REM1: variants seen among roughly 807,000 people sequenced by gnomAD.
REM1 encodes the protein GTP-binding protein REM 1.
In REM1, 20 loss-of-function variants were observed where a neutral mutation model predicts 27.0. That is an observed-to-expected ratio of 0.74 (90% CI 0.52 to 1.08). The LOEUF is 1.08. REM1 is among the 50% of genes least tolerant of loss of function. REM1 has a pLI of 0.00. For missense variants in REM1, 405 were observed against 407.0 expected (o/e 1.00, Z 0.04); for synonymous variants, 159 against 167.9 (o/e 0.95, Z 0.41).
rs1008392548 is a variant in REM1 at position 31,484,343 on chromosome 20, C to T, written c.810C>T (p.Arg270=). 1 of 1,563,594 alleles carries T rather than the reference C, an allele frequency of 6.4e-7. No homozygotes were observed. The highest frequency in any genetic ancestry group is 8.7e-7 in the Non-Finnish European group (1 of 1,154,990). The change falls in exon 5 of 5, where the codon CGC becomes CGT. Residue 270 remains arginine, a synonymous_variant. Transcript: ENST00000201979. ...CCAGCCTAGCCCAGCGCGCTCGTCGCTTCCTGGCACGCCTGACAGCCCGCA... is the reference window on the plus strand; with the variant it reads ...CCAGCCTAGCCCAGCGCGCTCGTCGTTTCCTGGCACGCCTGACAGCCCGCA... ...RPASLAQRAR[R]FLARLTARSA... is the part of the protein sequence containing the mutation.
rs191135106 is a variant in REM1 at position 31,484,370 on chromosome 20, C to A, written c.837C>A (p.Ser279Arg). The stretch of plus-strand genomic sequence containing the variant: ...TCCTGGCACGCCTGACAGCCCGCAG[C>A]GCACGCCGCCGGGCACTCAAGGCCC... ...RRFLARLTAR[S>R]ARRRALKARS... Residue 279 changes from serine to arginine, a missense_variant, in exon 5 of 5, where the codon AGC becomes AGA. Transcript: ENST00000201979. 20 of 1,555,126 alleles carry A rather than the reference C, an allele frequency of 1.3e-5. No homozygotes were observed. In the East Asian group the frequency reaches 4.6e-4, roughly 35 times the overall value.
At chr20:31,477,990 C>G in intron 3 of REM1, 80 bp downstream of exon 3, 6 of 877,226 alleles carry the variant, frequency 6.8e-6, no homozygotes, top group South Asian at 1.4e-5. Context: ...CCTGGGGACA[C>G]TACAGATCAG....
Position 31,476,589 on chromosome 20 carries a change from A to G in REM1, c.144A>G (p.Gln48=), listed in dbSNP as rs376216841. The G allele has an allele frequency of 1.2e-4, 191 of 1,613,902 alleles. No homozygotes were observed. The highest frequency in any genetic ancestry group is 1.5e-4 in the Non-Finnish European group (177 of 1,180,000). ...AATCCCAGCATCCCCGGCTGGGCCA[A>G]TCAGCCTCCCTCAACCCTCCCACCC... ...STQSQHPRLG[Q]SASLNPPTQK... Residue 48 remains glutamine (Q), a synonymous_variant, in exon 2 of 5, where the codon CAA becomes CAG. Transcript: ENST00000201979.
rs963727890 is a variant in REM1, at chr20:31,482,421, C to A, written c.558C>A (p.Asp186Glu). Residue 186 changes from aspartate to glutamate, a missense_variant, in exon 4 of 5, where the codon GAC (aspartate) becomes GAA (glutamate). Transcript: ENST00000201979. ...AGCTGCGGCGCACACATCAGGCAGA[C>A]CATGTGCCCATCATCCTCGTGGGCA... ...RIQLRRTHQADHVPIILVGNK... is the reference protein window; with the variant it reads ...RIQLRRTHQAEHVPIILVGNK... 1 of 1,614,082 alleles carries A rather than the reference C, an allele frequency of 6.2e-7. No individual in the cohort carries two copies. Among genetic ancestry groups the A allele is most frequent in the Non-Finnish European group, 8.5e-7 (1 of 1,180,038 alleles).
intron 1 of REM1, among the ~76,000 whole-genome samples, 172 bp from the exon 2 acceptor site, chr20:31,476,055 C>T (rs1053524249): frequency 1.3e-5 from 2 of 152,178 alleles, no homozygotes; most frequent in African/African-American, 2.4e-5. Context: ...AGGGCAGGTC[C>T]GTGTACACGG....
chr20:31,480,188 A>AAGATAGAT (rs11467647), intron 3 of REM1, among the ~76,000 whole-genome samples: 4,541 of 150,122 alleles, frequency 0.03, 109 homozygotes, highest in East Asian at 0.082. Context: ...CATCTCAATA[A>AAGATAGAT]AGATAGATAG....
intron 3 of REM1, among the ~76,000 whole-genome samples, chr20:31,479,196 C>A (rs1053633230): frequency 6.6e-6 from 1 of 152,208 alleles, no homozygotes; most frequent in African/African-American, 2.4e-5. Flanking sequence ...TGTCCTCCCC[C>A]TCAAGAGCAT....
chr20:31,478,767 T>C (rs1980613310), intron 3 of REM1, among the ~76,000 whole-genome samples: 1 of 151,778 alleles, frequency 6.6e-6, no homozygotes, highest in Non-Finnish European at 1.5e-5. Context: ...AATAATAATG[T>C]GTCCAAAGCT....
intron 2 of REM1, 73 bp from the exon 3 acceptor site, chr20:31,477,755 G>A (rs2233830): frequency 1.8e-6 from 2 of 1,115,086 alleles, no homozygotes; most frequent in Admixed American, 1.9e-5. Flanking sequence ...GACCAGAAAT[G>A]GGGGGCAGGG....
intron 3 of REM1, among the ~76,000 whole-genome samples, chr20:31,478,469 T>G (rs1980604086): frequency 6.6e-6 from 1 of 152,136 alleles, no homozygotes; most frequent in African/African-American, 2.4e-5. Flanking sequence ...CTCTTAGTAA[T>G]TATGACTTGG....
intron 4 of REM1, among the ~76,000 whole-genome samples, chr20:31,483,478 C>T (rs1156286009): frequency 6.6e-6 from 1 of 152,092 alleles, no homozygotes; most frequent in African/African-American, 2.4e-5. Context: ...TTTCTCAAAG[C>T]TTTAATTGTC....
chr20:31,475,948 A>C lies in REM1; in HGVS notation c.-219-279A>C, dbSNP rs1483366516. Among the ~76,000 whole-genome samples the C allele has an allele frequency of 1.3e-5, 2 of 152,042 alleles. No individual in the cohort carries two copies. The highest frequency in any genetic ancestry group is 3.9e-4 in the East Asian group (2 of 5,182). On this transcript the variant is annotated intron_variant, in intron 1 of 4. Transcript: ENST00000201979. The surrounding 1 kb of genome is among the most constrained non-coding windows in gnomAD (Gnocchi z 5.0). ...ACCCTTGGGGGAGACCTGAAACTGC[A>C]CTCCCAACCCAGAAGCTGTGAAAGA...
chr20:31,484,489 C>A lies in REM1; in HGVS notation c.*59C>A. 1 of 1,430,778 alleles carries A rather than the reference C, an allele frequency of 7.0e-7. No individual in the cohort carries two copies. The highest frequency in any genetic ancestry group is 1.5e-5 in the South Asian group (1 of 65,698). 88.6% of individuals were successfully genotyped at this position (1,430,778 alleles called of 1,614,324 possible). The stretch of plus-strand genomic sequence containing the variant: ...TGAGGTGCATTCTGGGCTCCAGGGA[C>A]GCCACTGCGGGGCAAAGGCGCCGTT... On this transcript the variant is annotated 3_prime_UTR_variant, in exon 5 of 5. Transcript: ENST00000201979.
intron 4 of REM1, among the ~76,000 whole-genome samples, chr20:31,483,005 A>T (rs1025240089): frequency 4.6e-5 from 7 of 151,736 alleles, no homozygotes; most frequent in South Asian, 2.1e-4. Context: ...CTCTTTTTTT[A>T]AAAAAAAATT....
intron 4 of REM1, 33 bp from the exon 5 acceptor site, chr20:31,484,126 T>G (rs748048610): frequency 3.2e-6 from 5 of 1,540,324 alleles, no homozygotes; most frequent in Non-Finnish European, 3.5e-6. Flanking sequence ...CCGTTATGGC[T>G]CCACCCCTCC....
chr20:31,484,620 G>A lies in REM1; in HGVS notation c.*190G>A, dbSNP rs1028733138. The A allele has an allele frequency of 1.4e-6, 1 of 708,840 alleles. No homozygotes were observed. The allele number at this position is 708,840 out of a possible 1,614,324, so 43.9% of individuals were successfully genotyped here. ...CCGGGAAAGCGATGGACAGACAGACGATGGGGCCGAAGCCCCAAGCTGGGC... is the reference window on the plus strand; with the variant it reads ...CCGGGAAAGCGATGGACAGACAGACAATGGGGCCGAAGCCCCAAGCTGGGC... On this transcript the variant is annotated 3_prime_UTR_variant, in exon 5 of 5. Transcript: ENST00000201979.
At chr20:31,480,031 G>A (rs1980661753) in intron 3 of REM1, among the ~76,000 whole-genome samples, 1 of 152,102 alleles carries the variant, frequency 6.6e-6, no homozygotes, top group African/African-American at 2.4e-5. Context: ...AGAGGTTGCG[G>A]TAAGCAGAGA....
At chr20:31,476,093 C>G (rs560085930) in intron 1 of REM1, 134 bp from the exon 2 acceptor site, 8 of 260,562 alleles carry the variant, frequency 3.1e-5, no homozygotes, top group African/African-American at 1.8e-4. Flanking sequence ...TGAGGACATC[C>G]CACCTTACTA....
chr20:31,480,578 C>T (rs1980697738), intron 3 of REM1, among the ~76,000 whole-genome samples: 1 of 152,132 alleles, frequency 6.6e-6, no homozygotes, highest in Non-Finnish European at 1.5e-5. Context: ...CCACCTCAGC[C>T]TCCCAAAGTG....
Sources: allele counts gnomAD v4.1 joint callset (sites outside exome capture counted in the v4.1 genomes callset), GRCh38; gene constraint gnomAD v4.1.1; non-coding constraint Gnocchi (gnomAD v3.1); transcripts MANE v1.5; gene names NCBI Gene and HGNC (gene_info 2026-07-23, HGNC 2026-07-21).